Variants in FRMD4B observed in about 807,000 individuals in gnomAD.
FRMD4B encodes the protein FERM domain-containing protein 4B.
Under a neutral mutation model 141.5 loss-of-function variants are expected in FRMD4B, and 74 were observed. The ratio of observed to expected loss-of-function variants is 0.52; its 90% CI spans 0.43 to 0.63. The LOEUF is 0.63. Among genes scored for constraint, FRMD4B ranks in the 30% least tolerant of loss-of-function variants. The pLI is 0.00. For synonymous variants in FRMD4B, 506 were observed against 467.9 expected (o/e 1.08, Z -1.05); for missense variants, 1,366 against 1,253.4 (o/e 1.09, Z -1.36).
intron 1 of FRMD4B, among the ~76,000 whole-genome samples, chr3:69,506,924 C>T (rs975470791): frequency 6.6e-6 from 1 of 152,172 alleles, no homozygotes; most frequent in African/African-American, 2.4e-5. Context: ...TGCTGCAGTG[C>T]TGTACTTTCC....
At chr3:69,307,571 C>G (rs142455812) in intron 3 of FRMD4B, among the ~76,000 whole-genome samples, 1,582 of 152,270 alleles carry the variant, frequency 0.01, 19 homozygotes, top group African/African-American at 0.035. Context: ...AACTCCTGAC[C>G]TCAGGTGATC....
At chr3:69,394,395 G>A (rs188616569) in intron 2 of FRMD4B, among the ~76,000 whole-genome samples, 119 of 152,320 alleles carry the variant, frequency 7.8e-4, no homozygotes, top group African/African-American at 2.7e-3. Context: ...AGTCCATAGC[G>A]GGCATGGATG....
At chr3:69,376,012 A>G (rs1038385) in intron 1 of FRMD4B, among the ~76,000 whole-genome samples, 141,969 of 152,162 alleles carry the variant, frequency 0.93, 66,227 homozygotes, top group East Asian at 0.97. Flanking sequence ...AAATGAATTT[A>G]GAGATAAATC....
chr3:69,429,109 C>T (rs1230948345), intron 2 of FRMD4B, among the ~76,000 whole-genome samples: 1 of 152,184 alleles, frequency 6.6e-6, no homozygotes, highest in Non-Finnish European at 1.5e-5. Flanking sequence ...TTTTAAAGGT[C>T]AGAGTGTTCT....
chr3:69,200,608 A>G (rs1167125941), intron 11 of FRMD4B: 9 of 1,194,632 alleles, frequency 7.5e-6, no homozygotes, highest in Non-Finnish European at 9.5e-6. Flanking sequence ...CCTGAGTGAC[A>G]CCTCCCTAAT....
intron 1 of FRMD4B, among the ~76,000 whole-genome samples, chr3:69,468,779 C>T (rs80179851): frequency 0.016 from 2,397 of 152,160 alleles, 50 homozygotes; most frequent in East Asian, 0.061. Flanking sequence ...TATTATTGAG[C>T]GACTGAATCA....
Position 69,181,392 on chromosome 3 carries a change from A to G in FRMD4B, c.2358T>C (p.Asp786=). ...TTGAGTAAACACCATTCCTCAAACTATCCTTTTGTGCTAGGTTGGGCATGC... is the reference window on the plus strand; with the variant it reads ...TTGAGTAAACACCATTCCTCAAACTGTCCTTTTGTGCTAGGTTGGGCATGC... The part of the protein sequence containing the change: ...SGSMPNLAQK[D]SLRNGVYSKS... Residue 786 remains aspartate (D), a synonymous_variant, in exon 21 of 23, where the codon GAT becomes GAC. Transcript: ENST00000398540. 6.2e-7 allele frequency: 1 copy of G among 1,613,834 alleles called. No homozygotes were observed. Among genetic ancestry groups the G allele is most frequent in the Non-Finnish European group, 8.5e-7 (1 of 1,179,810 alleles).
At position 69,494,605 on chromosome 3, in the gene FRMD4B, C is replaced by T. The variant is rs149475196; in HGVS notation, c.-129+47601G>A. Among the ~76,000 whole-genome samples the T allele has an allele frequency of 5.9e-4, 90 of 152,172 alleles. 1 individual carries two copies. The East Asian group carries it at 0.013, about 23-fold the overall frequency. On this transcript the variant is annotated intron_variant, in intron 1 of 5. Coordinates refer to the FRMD4B transcript ENST00000459638. ...ACAACAGAGAATAGGCACTAAGAAA[C>T]AATCAGCTGGGTGCGGTGGCTCATA...
At chr3:69,481,220 T>C (rs1044149389) in intron 1 of FRMD4B, among the ~76,000 whole-genome samples, 1 of 151,918 alleles carries the variant, frequency 6.6e-6, no homozygotes, top group Non-Finnish European at 1.5e-5. Context: ...GCACCCACTG[T>C]CCTGCGCCCA....
At chr3:69,230,629 T>A (rs1290399427) in intron 7 of FRMD4B, among the ~76,000 whole-genome samples, 2 of 151,846 alleles carry the variant, frequency 1.3e-5, no homozygotes, top group Non-Finnish European at 2.9e-5. Context: ...GCACCTGTAA[T>A]CCCAGCTACT....
chr3:69,241,896 CA>C lies in FRMD4B; in HGVS notation c.581+7329del, dbSNP rs869301403. Among the ~76,000 whole-genome samples, 28 of 151,564 alleles carry C rather than the reference CA, an allele frequency of 1.8e-4. 2 individuals carry two copies. In the South Asian group the frequency reaches 3.3e-3, roughly 18 times the overall value. ...AAAAACAAAACAAAACAAAACAAAA[CA>C]AAAAAACCCCCAAAAAACAAAAAAG... On this transcript the variant is annotated intron_variant, in intron 7 of 22. Coordinates refer to ENST00000398540, the MANE Select transcript of FRMD4B (RefSeq NM_015123.3).
At chr3:69,473,026 T>A (rs1479946285) in intron 1 of FRMD4B, among the ~76,000 whole-genome samples, 1 of 149,454 alleles carries the variant, frequency 6.7e-6, no homozygotes, top group Non-Finnish European at 1.5e-5. Context: ...AAATTTAAGA[T>A]CTAACTTCCA....
chr3:69,196,797 A>G, intron 13 of FRMD4B, 103 bp downstream of exon 13: 1 of 872,900 alleles, frequency 1.1e-6, no homozygotes, highest in Non-Finnish European at 1.7e-6. Context: ...AAAATCTCAG[A>G]GAGCAAAAAT....
In FRMD4B at chr3:69,421,304, G is replaced by A. The variant is rs565111221; in HGVS notation, c.-1+11330C>T. ...TTGCATAAGGCACTTTGTGTCTCTG[G>A]GCTTTTATTTCCCGTATGAAGAGTC... is the stretch of plus-strand genomic sequence containing the variant. On this transcript the variant is annotated intron_variant, in intron 2 of 5. Coordinates refer to the FRMD4B transcript ENST00000459638. Among the ~76,000 whole-genome samples, 9 of 152,290 alleles carry A rather than the reference G, an allele frequency of 5.9e-5. No individual in the cohort carries two copies. In the South Asian group the frequency reaches 1.5e-3, roughly 25 times the overall value.
chr3:69,171,660 T>C lies in FRMD4B; in HGVS notation c.*201A>G. 1.8e-6 allele frequency: 1 copy of C among 546,090 alleles called. No homozygotes were observed. The highest frequency in any genetic ancestry group is 3.3e-6 in the Non-Finnish European group (1 of 306,280). 33.8% of individuals were successfully genotyped at this position (546,090 alleles called of 1,614,324 possible). On this transcript the variant is annotated 3_prime_UTR_variant, in exon 23 of 23. Coordinates refer to ENST00000398540, the MANE Select transcript of FRMD4B (RefSeq NM_015123.3). Reference sequence around the variant, plus strand: ...CTACAGTTACGTTAGTGCCTAGAGTTTGAAAGGCCAAATCCTCCTTTAGGG... The same window carrying C: ...CTACAGTTACGTTAGTGCCTAGAGTCTGAAAGGCCAAATCCTCCTTTAGGG...
chr3:69,441,765 T>C (rs1705347678), intron 1 of FRMD4B, among the ~76,000 whole-genome samples: 1 of 152,224 alleles, frequency 6.6e-6, no homozygotes, highest in Non-Finnish European at 1.5e-5. Flanking sequence ...TTGCTCCTCC[T>C]GTGTCCTCTT....
chr3:69,380,288 T>C (rs1261153284), intron 1 of FRMD4B, among the ~76,000 whole-genome samples: 2 of 152,158 alleles, frequency 1.3e-5, no homozygotes, highest in Non-Finnish European at 1.5e-5. Flanking sequence ...TCACAGTCTC[T>C]CTTACTGAGC....
chr3:69,197,344 G>A (rs1395928684), intron 12 of FRMD4B, among the ~76,000 whole-genome samples: 8 of 152,160 alleles, frequency 5.3e-5, no homozygotes, highest in Admixed American at 5.2e-4. Context: ...CTAAGGATGT[G>A]TAGCCATCAC....
At chr3:69,493,670 C>G (rs889332011) in intron 1 of FRMD4B, among the ~76,000 whole-genome samples, 1 of 151,820 alleles carries the variant, frequency 6.6e-6, no homozygotes, top group Non-Finnish European at 1.5e-5. Flanking sequence ...TCTTGATTTG[C>G]TTACTTCTTT....
Sources: gnomAD v4.1 joint callset for allele counts (sites outside exome capture counted in the v4.1 genomes callset) on GRCh38, gnomAD v4.1.1 for gene constraint, MANE v1.5 for transcripts, NCBI Gene and HGNC (gene_info 2026-07-23, HGNC 2026-07-21) for gene names.